The following CCDC159 variants were observed in gnomAD, a reference collection of about 807,000 sequenced individuals.
CCDC159 encodes coiled-coil domain containing 159, also known as coiled-coil domain-containing protein 159.
In CCDC159, 40 loss-of-function variants were observed where a neutral mutation model predicts 50.9. The observed-to-expected ratio is 0.79, with a 90% confidence interval of 0.61 to 1.02. The LOEUF (loss-of-function observed/expected upper bound fraction) is 1.02. CCDC159 is among the 50% of genes least tolerant of loss of function. The pLI, the probability that CCDC159 is intolerant of heterozygous loss-of-function variation, is 0.00. For synonymous variants in CCDC159, 146 were observed against 138.9 expected (o/e 1.05, Z -0.36); for missense variants, 356 against 371.5 (o/e 0.96, Z 0.34).
At chr19:11,351,072 G>C (rs1417829520) in intron 5 of CCDC159, 69 bp downstream of exon 5, 2 of 1,397,806 alleles carry the variant, frequency 1.4e-6, no homozygotes, top group African/African-American at 1.5e-5. Context: ...GGGGAATGGA[G>C]GCAGGATGGG....
In CCDC159 at chr19:11,350,792, C is replaced by T. The variant is rs1315230910; in HGVS notation, c.227-16C>T. 3 of 1,537,342 alleles carry T rather than the reference C, an allele frequency of 2.0e-6. No individual in the cohort carries two copies. Among genetic ancestry groups the T allele is most frequent in the Non-Finnish European group, 1.8e-6 (2 of 1,141,354 alleles). On this transcript the variant is annotated splice_polypyrimidine_tract_variant and intron_variant, in intron 4 of 10. Coordinates refer to ENST00000458408, the MANE Select transcript of CCDC159 (RefSeq NM_001080503.3). ...GGTGGGATCAGGGCTCAGTCAAGGT[C>T]CCACACTCTCTGCAGAGGTGCTGAG...
chr19:11,346,956 G>C (rs112152989), intron 1 of CCDC159, among the ~76,000 whole-genome samples: 227 of 152,312 alleles, frequency 1.5e-3, no homozygotes, highest in Non-Finnish European at 2.5e-3. Context: ...CAACATCCCA[G>C]TAAGGTGACT....
chr19:11,349,855 C>T, intron 2 of CCDC159, 83 bp from the exon 3 acceptor site: 1 of 1,384,274 alleles, frequency 7.2e-7, no homozygotes, highest in Non-Finnish European at 1.0e-6. Flanking sequence ...TACTGCTACT[C>T]TGAGCCTTTG....
chr19:11,348,070 C>T (rs143377564), intron 1 of CCDC159: 29 of 451,598 alleles, frequency 6.4e-5, no homozygotes, highest in Middle Eastern at 4.6e-4. Flanking sequence ...TCTCGGACCT[C>T]GATTCAGCCA....
rs1318401131 is a variant in CCDC159, at chr19:11,351,893, A to G, written c.423-13A>G. ...GGCAGGGAGTGCAGGTCTAGGCTGC[A>G]CTGTCCCCTCAGCAAGAAGTTCCTG... On this transcript the variant is annotated splice_polypyrimidine_tract_variant and intron_variant, in intron 5 of 10. Transcript: ENST00000458408. 3 of 1,584,046 alleles carry G rather than the reference A, an allele frequency of 1.9e-6. No homozygotes were observed. Among genetic ancestry groups the G allele is most frequent in the Non-Finnish European group, 2.6e-6 (3 of 1,166,104 alleles).
rs373676470 is a variant in CCDC159, at chr19:11,352,045, C to T, written c.491-12C>T. The stretch of plus-strand genomic sequence containing the variant: ...TTCAGCCTTTGTCCGCCTGAGCCCC[C>T]TCCCTCCACAGAAGCGCAGGAGGAT... On this transcript the variant is annotated splice_polypyrimidine_tract_variant and intron_variant, in intron 6 of 10. Transcript: ENST00000458408. The T allele has an allele frequency of 7.4e-6, 12 of 1,613,462 alleles. No individual in the cohort carries two copies. In the South Asian group the frequency reaches 9.9e-5, roughly 13 times the overall value.
At chr19:11,349,756 C>A in intron 2 of CCDC159, 69 bp downstream of exon 2, 9 of 1,334,200 alleles carry the variant, frequency 6.7e-6, no homozygotes, top group South Asian at 1.2e-5. Flanking sequence ...ACCCTCTGCC[C>A]CAGCATCAGC....
At chr19:11,352,229 A>G in intron 7 of CCDC159, 96 bp downstream of exon 7, 10 of 1,233,844 alleles carry the variant, frequency 8.1e-6, no homozygotes, top group Non-Finnish European at 1.2e-5. Context: ...CTGGGTTCAA[A>G]TCTCAGCTCT....
intron 1 of CCDC159, chr19:11,348,961 C>G: frequency 7.4e-7 from 1 of 1,347,148 alleles, no homozygotes; most frequent in Non-Finnish European, 9.8e-7. Context: ...AGCCCTCACC[C>G]CTAGGCTCTT....
At position 11,346,568 on chromosome 19, in the gene CCDC159, C is replaced by T. The variant is rs1967241752; in HGVS notation, c.-39C>T. 1 of 1,551,202 alleles carries T rather than the reference C, an allele frequency of 6.4e-7. No individual in the cohort carries two copies. The highest frequency in any genetic ancestry group is 1.4e-5 in the African/African-American group (1 of 73,056). On this transcript the variant is annotated 5_prime_UTR_variant, in exon 1 of 11. Transcript: ENST00000458408. ...ACGATGGTGTCCCCGCGGGATCAAACTTCAGCGTCACAGCTGAGGACTGGC... is the reference window on the plus strand; with the variant it reads ...ACGATGGTGTCCCCGCGGGATCAAATTTCAGCGTCACAGCTGAGGACTGGC...
chr19:11,354,820 C>A (rs1967801288), intron 10 of CCDC159, 53 bp from the exon 11 acceptor site: 3 of 1,612,468 alleles, frequency 1.9e-6, no homozygotes, highest in Non-Finnish European at 2.5e-6. Flanking sequence ...TGACCTGCAG[C>A]CCCGGAGTCC....
In CCDC159 at chr19:11,346,619, G is replaced by A; in HGVS notation, c.13G>A (p.Glu5Lys). The change falls in exon 1 of 11, where the codon GAA becomes AAA. Residue 5 changes from glutamate to lysine, a missense_variant. Glu to Lys is a moderately conservative substitution (Grantham distance 56). Transcript: ENST00000458408. ...TTCGTGGTCCCTGATGGGAGAGCATGAACAGGTGGTATGTGGTAGGTGGGG... is the reference window on the plus strand; with the variant it reads ...TTCGTGGTCCCTGATGGGAGAGCATAAACAGGTGGTATGTGGTAGGTGGGG... MGEHEQVKPLETSSS... is the reference protein window; with the variant it reads MGEHKQVKPLETSSS... 6.4e-7 allele frequency: 1 copy of A among 1,551,540 alleles called. No homozygotes were observed. The highest frequency in any genetic ancestry group is 2.4e-5 in the East Asian group (1 of 40,880).
intron 1 of CCDC159, chr19:11,348,624 G>C (rs1450093159): frequency 2.4e-6 from 1 of 413,980 alleles, no homozygotes; most frequent in Non-Finnish European, 4.9e-6. Context: ...ATCCAGCTTT[G>C]GCTCCTACCA....
At position 11,351,985 on chromosome 19, in the gene CCDC159, G is replaced by C; in HGVS notation, c.490+12G>C. The C allele has an allele frequency of 1.2e-6, 2 of 1,610,900 alleles. No homozygotes were observed. The highest frequency in any genetic ancestry group is 2.2e-5 in the South Asian group (2 of 90,584). On this transcript the variant is annotated intron_variant, in intron 6 of 10. Transcript: ENST00000458408. ...CTATCAGAAGCTCCGTGAGTTCCTG[G>C]AGCCCACAGCCGGTGTGTGGGGAGG...
intron 7 of CCDC159, 108 bp downstream of exon 7, chr19:11,352,241 C>T (rs750342223): frequency 4.7e-6 from 5 of 1,061,670 alleles, no homozygotes; most frequent in African/African-American, 4.7e-5. Flanking sequence ...CTCAGCTCTG[C>T]CACTCACTGC....
At chr19:11,350,344 T>C in intron 4 of CCDC159, 145 bp downstream of exon 4, 1 of 422,388 alleles carries the variant, frequency 2.4e-6, no homozygotes, top group South Asian at 2.8e-5. Flanking sequence ...TGAAACCCCA[T>C]ATCTACTTAA....
At position 11,346,545 on chromosome 19, in the gene CCDC159, G is replaced by A. The variant is rs1327523171; in HGVS notation, c.-62G>A. On this transcript the variant is annotated 5_prime_UTR_variant, in exon 1 of 11. Coordinates refer to ENST00000458408, the MANE Select transcript of CCDC159 (RefSeq NM_001080503.3). ...ACTCAGTCTCTGAGCGTTTTAATAC[G>A]ATGGTGTCCCCGCGGGATCAAACTT... The A allele has an allele frequency of 6.5e-7, 1 of 1,540,854 alleles. No individual in the cohort carries two copies. The highest frequency in any genetic ancestry group is 2.4e-5 in the East Asian group (1 of 40,848).
intron 1 of CCDC159, among the ~76,000 whole-genome samples, chr19:11,347,488 G>A (rs1202628972): frequency 3.9e-5 from 6 of 152,048 alleles, no homozygotes; most frequent in African/African-American, 9.7e-5. Flanking sequence ...GCGCCACCAC[G>A]CCTGGCTAAT....
chr19:11,346,846 A>G (rs748736588), intron 1 of CCDC159, among the ~76,000 whole-genome samples: 3 of 152,136 alleles, frequency 2.0e-5, no homozygotes, highest in Non-Finnish European at 4.4e-5. Context: ...CAGGCTTCCT[A>G]TGGTCCCTAA....
Sources: allele counts gnomAD v4.1 joint callset (sites outside exome capture counted in the v4.1 genomes callset), GRCh38; gene constraint gnomAD v4.1.1; transcripts MANE v1.5; gene names NCBI Gene and HGNC (gene_info 2026-07-23, HGNC 2026-07-21).